RARRES1: variants seen among roughly 807,000 people sequenced by gnomAD.
The protein encoded by RARRES1 is retinoic acid receptor responder 1, also known as retinoic acid receptor responder protein 1.
RARRES1 carries 34 observed loss-of-function variants against 30.6 expected under a neutral mutation model. The observed-to-expected ratio is 1.11, with a 90% confidence interval of 0.84 to 1.48. The LOEUF (loss-of-function observed/expected upper bound fraction) is 1.48, where lower values mean the gene tolerates loss of function less well. RARRES1 is among the 40% of genes most tolerant of loss of function. RARRES1 has a pLI of 0.00. For synonymous variants in RARRES1, 153 were observed against 155.5 expected (o/e 0.98, Z 0.12); for missense variants, 373 against 386.5 (o/e 0.97, Z 0.29).
chr3:158,727,216 C>T (rs1727722867), intron 1 of RARRES1, among the ~76,000 whole-genome samples: 1 of 152,170 alleles, frequency 6.6e-6, no homozygotes, highest in South Asian at 2.1e-4. Flanking sequence ...GGAAGGAGCT[C>T]CAGTTAAATG....
At chr3:158,706,538 T>A (rs915585985) in intron 3 of RARRES1, among the ~76,000 whole-genome samples, 1 of 152,220 alleles carries the variant, frequency 6.6e-6, no homozygotes, top group Non-Finnish European at 1.5e-5. Flanking sequence ...GGGTATGAAC[T>A]GCAGTTGAGT....
At chr3:158,702,521 C>G (rs776076284) in intron 4 of RARRES1, among the ~76,000 whole-genome samples, 1 of 152,158 alleles carries the variant, frequency 6.6e-6, no homozygotes, top group Non-Finnish European at 1.5e-5. Context: ...TATGCAACTG[C>G]AAAAGAAAGG....
chr3:158,711,414 C>T lies in RARRES1; in HGVS notation c.340-481G>A, dbSNP rs1008418110. On this transcript the variant is annotated intron_variant, in intron 2 of 5. Coordinates refer to ENST00000237696, the MANE Select transcript of RARRES1 (RefSeq NM_206963.2). ...TAAGATACTGAGGTTTAAGGAGGTA[C>T]CTACTCCATGTCGCACAGCTAATAA... Among the ~76,000 whole-genome samples, 3 of 152,026 alleles carry T rather than the reference C, an allele frequency of 2.0e-5. No individual in the cohort carries two copies. The South Asian group carries it at 6.2e-4, about 32-fold the overall frequency.
chr3:158,704,654 C>T, intron 4 of RARRES1, 137 bp downstream of exon 4: 1 of 1,342,026 alleles, frequency 7.5e-7, no homozygotes, highest in Non-Finnish European at 9.8e-7. Context: ...TGGCCCATTG[C>T]AGGAACTCAC....
intron 1 of RARRES1, among the ~76,000 whole-genome samples, chr3:158,719,396 C>T (rs965789614): frequency 3.3e-5 from 5 of 151,742 alleles, no homozygotes; most frequent in African/African-American, 9.7e-5. Context: ...CTCAGCCTCC[C>T]GAGTAGCTGG....
intron 1 of RARRES1, among the ~76,000 whole-genome samples, chr3:158,717,034 G>C (rs920097474): frequency 6.6e-6 from 1 of 152,212 alleles, no homozygotes; most frequent in Non-Finnish European, 1.5e-5. Flanking sequence ...GCCCCGTGCT[G>C]TTTTGCTCTG....
At position 158,697,593 on chromosome 3, in the gene RARRES1, C is replaced by A; in HGVS notation, c.*85G>T. ...AGGTTTTCCCAAATTATTAGAATGT[C>A]TATACCTTAGCTGTTTTACTAGAAG... On this transcript the variant is annotated 3_prime_UTR_variant, in exon 6 of 6. Coordinates refer to ENST00000237696, the MANE Select transcript of RARRES1 (RefSeq NM_206963.2). The A allele has an allele frequency of 7.3e-7, 1 of 1,368,760 alleles. No homozygotes were observed. The highest frequency in any genetic ancestry group is 1.0e-6 in the Non-Finnish European group (1 of 993,786). The allele number at this position is 1,368,760 out of a possible 1,614,324, so 84.8% of individuals were successfully genotyped here.
At chr3:158,700,429 C>T (rs1344638491) in intron 4 of RARRES1, among the ~76,000 whole-genome samples, 1 of 147,382 alleles carries the variant, frequency 6.8e-6, no homozygotes, top group Non-Finnish European at 1.5e-5. Flanking sequence ...AGAGTGTTAC[C>T]CATTTTTAAA....
chr3:158,722,951 TA>T (rs1273459639), intron 1 of RARRES1, among the ~76,000 whole-genome samples: 1 of 144,766 alleles, frequency 6.9e-6, no homozygotes, highest in African/African-American at 2.6e-5. Context: ...GTGGAGCAAA[TA>T]AAAGAGCAGG....
intron 3 of RARRES1, among the ~76,000 whole-genome samples, chr3:158,706,736 T>G (rs1432111018): frequency 6.6e-6 from 1 of 152,242 alleles, no homozygotes; most frequent in Non-Finnish European, 1.5e-5. Context: ...GACCAAAGTT[T>G]CTAGCCAACT....
intron 4 of RARRES1, among the ~76,000 whole-genome samples, chr3:158,703,281 G>T (rs1297054226): frequency 6.6e-6 from 1 of 152,004 alleles, no homozygotes; most frequent in African/African-American, 2.4e-5. Flanking sequence ...ATATCATCTG[G>T]ATTAATCACA....
intron 2 of RARRES1, among the ~76,000 whole-genome samples, chr3:158,712,947 G>C (rs570022778): frequency 3.3e-5 from 5 of 152,300 alleles, no homozygotes; most frequent in Admixed American, 6.5e-5. Flanking sequence ...TACACTTTAA[G>C]GAAATTTTAA....
intron 1 of RARRES1, among the ~76,000 whole-genome samples, chr3:158,722,774 T>C (rs568117332): frequency 2.3e-4 from 35 of 149,008 alleles, no homozygotes; most frequent in Middle Eastern, 3.7e-3. Context: ...CCCAGCTACT[T>C]GGGAGGCTGA....
At chr3:158,729,601 C>T (rs1027310499) in intron 1 of RARRES1, among the ~76,000 whole-genome samples, 6 of 152,058 alleles carry the variant, frequency 3.9e-5, no homozygotes, top group Non-Finnish European at 8.8e-5. Flanking sequence ...AGGTGCCTGC[C>T]ACCATGCCCG....
At chr3:158,720,788 T>C (rs1490237012) in intron 1 of RARRES1, among the ~76,000 whole-genome samples, 1 of 152,164 alleles carries the variant, frequency 6.6e-6, no homozygotes, top group African/African-American at 2.4e-5. Flanking sequence ...TCTGAGTCTG[T>C]TTGCATATCC....
chr3:158,722,300 A>G (rs2108150354), intron 1 of RARRES1, among the ~76,000 whole-genome samples: 1 of 152,300 alleles, frequency 6.6e-6, no homozygotes, highest in South Asian at 2.1e-4. Context: ...AAAGCTGTTT[A>G]TACTAAACCA....
intron 1 of RARRES1, among the ~76,000 whole-genome samples, chr3:158,725,306 A>G (rs1727651091): frequency 6.6e-6 from 1 of 152,216 alleles, no homozygotes; most frequent in Admixed American, 6.5e-5. Flanking sequence ...CATAAGTGTC[A>G]TACATCTCTG....
chr3:158,697,804 G>A lies in RARRES1; in HGVS notation c.759C>T (p.His253=), dbSNP rs1726594757. The change falls in exon 6 of 6, where the codon CAC becomes CAT. Residue 253 remains histidine (H), a synonymous_variant. Transcript: ENST00000237696. ...STQEIIPCRI[H]LVWYPGKPLK... The stretch of plus-strand genomic sequence containing the variant: ...GAGGTTTGCCAGGGTACCAGACCAA[G>A]TGAATGCGACAGGGAATTATTTCCT... 6.2e-7 allele frequency: 1 copy of A among 1,610,530 alleles called. No individual in the cohort carries two copies. The highest frequency in any genetic ancestry group is 1.1e-5 in the South Asian group (1 of 90,766).
intron 1 of RARRES1, among the ~76,000 whole-genome samples, chr3:158,724,525 G>A (rs908666107): frequency 1.3e-5 from 2 of 152,126 alleles, no homozygotes; most frequent in East Asian, 1.9e-4. Flanking sequence ...GAGCACAGGT[G>A]GTCTCTAGAA....
Sources: allele counts gnomAD v4.1 joint callset (sites outside exome capture counted in the v4.1 genomes callset), GRCh38; gene constraint gnomAD v4.1.1; transcripts MANE v1.5; gene names NCBI Gene and HGNC (gene_info 2026-07-23, HGNC 2026-07-21).